The following SHANK2 variants were observed in gnomAD, a reference collection of about 807,000 sequenced individuals.
SHANK2 encodes the protein SH3 and multiple ankyrin repeat domains protein 2.
In SHANK2, 43 loss-of-function variants were observed where a neutral mutation model predicts 133.7. The observed-to-expected ratio is 0.32, with a 90% CI of 0.25 to 0.41. The LOEUF (loss-of-function observed/expected upper bound fraction) is 0.41. Among genes scored for constraint, SHANK2 ranks in the 10% least tolerant of loss-of-function variants. The probability of loss-of-function intolerance (pLI) is 1.00; values close to 1 mark genes in which losing one functional copy is unlikely to be tolerated. For missense variants in SHANK2, 1,994 were observed against 2,235.8 expected (o/e 0.89, Z 2.18); for synonymous variants, 1,017 against 952.8 (o/e 1.07, Z -1.24).
chr11:70,835,457 T>C (rs781837020), intron 11 of SHANK2, among the ~76,000 whole-genome samples: 8 of 152,012 alleles, frequency 5.3e-5, no homozygotes, highest in Non-Finnish European at 1.2e-4. Context: ...TGTGCTGAGA[T>C]GTGCTCCACC....
At position 70,476,395 on chromosome 11, in the gene SHANK2, AC is replaced by A. The variant is rs35397909; in HGVS notation, c.4980-2957del. 2.0e-3 allele frequency among the ~76,000 whole-genome samples: 306 copies of A among 151,838 alleles called. 2 individuals are homozygous for A. The highest frequency in any genetic ancestry group is 7.0e-3 in the African/African-American group (288 of 41,382). On this transcript the variant is annotated intron_variant, in intron 25 of 25. Coordinates refer to ENST00000601538, the MANE Select transcript of SHANK2 (RefSeq NM_012309.5). ...CATAGGATACACGAAAAAACCTGCA[AC>A]CCCCCCTTCTCTGGTACTCAAAGAA... is the stretch of plus-strand genomic sequence containing the variant.
At chr11:70,854,044 G>A (rs1337755095) in intron 11 of SHANK2, among the ~76,000 whole-genome samples, 1 of 152,184 alleles carries the variant, frequency 6.6e-6, no homozygotes, top group Non-Finnish European at 1.5e-5. Context: ...ATGAAATTGA[G>A]GGGACATTAT....
intron 17 of SHANK2, among the ~76,000 whole-genome samples, chr11:70,606,602 G>C (rs374578509): frequency 2.0e-5 from 3 of 151,674 alleles, no homozygotes; most frequent in South Asian, 2.1e-4. Context: ...GGTCCTTTGT[G>C]GGGGGCCAAG....
chr11:70,826,166 G>T (rs1284189378), intron 11 of SHANK2, among the ~76,000 whole-genome samples: 1 of 152,154 alleles, frequency 6.6e-6, no homozygotes, highest in Non-Finnish European at 1.5e-5. Context: ...ATTTTCCCTA[G>T]GACTTAGTTC....
intron 2 of SHANK2, among the ~76,000 whole-genome samples, chr11:71,196,472 G>A (rs1187426925): frequency 6.6e-6 from 1 of 151,944 alleles, no homozygotes; most frequent in Admixed American, 6.5e-5. Context: ...TTTTAGTAGA[G>A]ATGGGGTTTC....
intron 15 of SHANK2, among the ~76,000 whole-genome samples, chr11:70,684,565 C>G (rs1209371277): frequency 2.6e-5 from 4 of 152,100 alleles, no homozygotes; most frequent in Non-Finnish European, 5.9e-5. Flanking sequence ...GTCTCTTAGC[C>G]CCCTACCCCC....
intron 11 of SHANK2, among the ~76,000 whole-genome samples, chr11:70,835,011 C>T (rs956337407): frequency 6.6e-6 from 1 of 152,134 alleles, no homozygotes; most frequent in Non-Finnish European, 1.5e-5. Flanking sequence ...CGGGGAGGAG[C>T]TCTGGAGGGT....
rs142650889 is a variant in SHANK2 at position 70,674,610 on chromosome 11, A to G, written c.1854-12932T>C. On this transcript the variant is annotated intron_variant, in intron 15 of 25. Coordinates refer to ENST00000601538, the MANE Select transcript of SHANK2 (RefSeq NM_012309.5). ...GTAATTGGCCTGCCTCGGCCTCCCA[A>G]AGTGTTGGGATTAGAGGCGTGAGCC... Among the ~76,000 whole-genome samples the G allele has an allele frequency of 6.1e-3, 922 of 152,348 alleles. 13 individuals carry two copies. Among genetic ancestry groups the G allele is most frequent in the African/African-American group, 0.021 (877 of 41,578 alleles).
At chr11:70,719,046 G>A (rs747172) in intron 14 of SHANK2, among the ~76,000 whole-genome samples, 31,153 of 152,164 alleles carry the variant, frequency 0.2, 3,282 homozygotes, top group East Asian at 0.27. Context: ...GGCACGCAAG[G>A]AAGATCAGCT....
At chr11:70,778,299 T>C (rs1947408745) in intron 14 of SHANK2, among the ~76,000 whole-genome samples, 1 of 152,206 alleles carries the variant, frequency 6.6e-6, no homozygotes. Context: ...TGCCTTCGGC[T>C]CACACAACAA....
chr11:70,790,750 G>T (rs1291463333), intron 14 of SHANK2, among the ~76,000 whole-genome samples: 3 of 152,252 alleles, frequency 2.0e-5, no homozygotes, highest in African/African-American at 7.2e-5. Flanking sequence ...GGAGAATCTT[G>T]ACTCAAACAG....
At chr11:70,763,062 G>A (rs1214355363) in intron 14 of SHANK2, among the ~76,000 whole-genome samples, 1 of 152,216 alleles carries the variant, frequency 6.6e-6, no homozygotes, top group African/African-American at 2.4e-5. Flanking sequence ...CTGCCAAGGA[G>A]CCTGATCTGA....
chr11:70,523,054 AGGCCCACACCT>A (rs1197467368), intron 17 of SHANK2, among the ~76,000 whole-genome samples: 3 of 152,184 alleles, frequency 2.0e-5, no homozygotes, highest in Admixed American at 6.5e-5. Flanking sequence ...GGAAACCCAC[AGGCCCACACCT>A]GCAATGCTGG....
At chr11:70,875,455 T>C (rs1555071012) in intron 11 of SHANK2, among the ~76,000 whole-genome samples, 2 of 150,020 alleles carry the variant, frequency 1.3e-5, no homozygotes, top group African/African-American at 2.5e-5. Context: ...AACCCGGGAG[T>C]GGAGGTTGCA....
intron 15 of SHANK2, chr11:70,662,334 C>T (rs1944571864): frequency 6.0e-6 from 1 of 166,766 alleles, no homozygotes; most frequent in Admixed American, 5.8e-5. Flanking sequence ...GGAGCCCCCA[C>T]AATCATCTGA....
intron 2 of SHANK2, among the ~76,000 whole-genome samples, chr11:71,161,678 T>C (rs782625264): frequency 3.3e-5 from 5 of 152,230 alleles, no homozygotes; most frequent in Non-Finnish European, 7.3e-5. Context: ...CTCCACTTTG[T>C]GTTGTCCCAC....
intron 9 of SHANK2, among the ~76,000 whole-genome samples, chr11:71,072,206 C>T (rs911811978): frequency 6.6e-6 from 1 of 151,984 alleles, no homozygotes; most frequent in Non-Finnish European, 1.5e-5. Context: ...AGCCCAGGGC[C>T]CCTTCTCACC....
intron 9 of SHANK2, among the ~76,000 whole-genome samples, chr11:71,070,171 C>A (rs1039952521): frequency 1.3e-5 from 2 of 152,284 alleles, no homozygotes; most frequent in East Asian, 3.9e-4. Context: ...TGGCATCACA[C>A]GAGATGTGGT....
At chr11:70,629,322 C>T (rs1027185015) in intron 17 of SHANK2, among the ~76,000 whole-genome samples, 3 of 152,250 alleles carry the variant, frequency 2.0e-5, no homozygotes, top group South Asian at 2.1e-4. Context: ...AGACTGAAAC[C>T]GCCTCTTTCG....
Sources: gnomAD v4.1 joint callset for allele counts (sites outside exome capture counted in the v4.1 genomes callset) on GRCh38, gnomAD v4.1.1 for gene constraint, MANE v1.5 for transcripts, NCBI Gene and HGNC (gene_info 2026-07-23, HGNC 2026-07-21) for gene names.